The following TMEM44 variants were observed in gnomAD, a reference collection of about 807,000 sequenced individuals.
The protein encoded by TMEM44 is transmembrane protein 44.
Under a neutral mutation model 47.8 loss-of-function variants are expected in TMEM44, and 43 were observed. That is an observed-to-expected ratio of 0.90 (90% CI 0.70 to 1.16). TMEM44 has a LOEUF of 1.16. TMEM44 is among the 50% of genes most tolerant of loss of function. The probability of loss-of-function intolerance (pLI) is 0.00; values close to 1 mark genes in which losing one functional copy is unlikely to be tolerated. For synonymous variants in TMEM44, 277 were observed against 238.8 expected, an observed-to-expected ratio of 1.16 and a Z score of -1.48; for missense variants, 568 against 555.2, an observed-to-expected ratio of 1.02 and a Z score of -0.23.
At chr3:194,594,886 C>T (rs1383971645) in intron 9 of TMEM44, among the ~76,000 whole-genome samples, 3 of 152,084 alleles carry the variant, frequency 2.0e-5, no homozygotes, top group Non-Finnish European at 4.4e-5. Context: ...GGAAGAGCGC[C>T]CTCTAGTGGG....
At chr3:194,594,250 G>A (rs527946650) in intron 9 of TMEM44, among the ~76,000 whole-genome samples, 2 of 151,708 alleles carry the variant, frequency 1.3e-5, no homozygotes, top group East Asian at 1.9e-4. Context: ...TGCAATCTCT[G>A]CCTCCCAGGT....
chr3:194,621,748 G>A (rs1482493251), intron 5 of TMEM44, among the ~76,000 whole-genome samples: 2 of 150,522 alleles, frequency 1.3e-5, no homozygotes, highest in Non-Finnish European at 2.9e-5. Context: ...ATGGAGTAGT[G>A]CTCAGTCACC....
chr3:194,621,869 G>A (rs1269782782), intron 5 of TMEM44, among the ~76,000 whole-genome samples: 3 of 152,112 alleles, frequency 2.0e-5, no homozygotes, highest in East Asian at 1.9e-4. Context: ...CCGCCACCAC[G>A]CCTGGCTAGT....
chr3:194,591,481 T>A (rs553750332), intron 9 of TMEM44, among the ~76,000 whole-genome samples: 72 of 151,922 alleles, frequency 4.7e-4, no homozygotes, highest in African/African-American at 1.7e-3. Flanking sequence ...GCGACAAGAG[T>A]GAAATTCTGT....
chr3:194,614,961 G>A (rs921846978), intron 7 of TMEM44, among the ~76,000 whole-genome samples: 5 of 152,028 alleles, frequency 3.3e-5, no homozygotes, highest in Admixed American at 6.6e-5. Context: ...ACTGGGCTAC[G>A]CACCACGGCT....
intron 9 of TMEM44, chr3:194,596,902 G>A (rs994361958): frequency 6.6e-6 from 1 of 152,230 alleles, no homozygotes; most frequent in Admixed American, 6.5e-5. Context: ...ACATCCAGGG[G>A]AATATGCCCT....
intron 1 of TMEM44, among the ~76,000 whole-genome samples, chr3:194,628,774 C>T (rs1717452525): frequency 6.6e-6 from 1 of 152,140 alleles, no homozygotes; most frequent in East Asian, 1.9e-4. Flanking sequence ...TACTTTCCGA[C>T]TCCAAATCAG....
In TMEM44 at chr3:194,596,651, C is replaced by T. The variant is rs151273950; in HGVS notation, c.1176+7636G>A. 6.2e-3 allele frequency among the ~76,000 whole-genome samples: 942 copies of T among 152,082 alleles called. 9 individuals are homozygous for T. Among genetic ancestry groups the T allele is most frequent in the African/African-American group, 0.021 (891 of 41,474 alleles). On this transcript the variant is annotated intron_variant, in intron 9 of 9. Coordinates refer to ENST00000347147, the MANE Select transcript of TMEM44 (RefSeq NM_001011655.3). ...TACTAAAAATACAAAATTAGCCAGGCGTGGTGGCGCATGCCTGTAATCTCA... is the reference window on the plus strand; with the variant it reads ...TACTAAAAATACAAAATTAGCCAGGTGTGGTGGCGCATGCCTGTAATCTCA...
chr3:194,593,637 G>GC (rs761619403), intron 9 of TMEM44, among the ~76,000 whole-genome samples: 8 of 152,110 alleles, frequency 5.3e-5, no homozygotes, highest in Non-Finnish European at 1.0e-4. Context: ...TGCAGCGCCT[G>GC]GGAAACATAT....
chr3:194,620,514 C>A (rs1187489169), intron 5 of TMEM44, among the ~76,000 whole-genome samples: 1 of 152,150 alleles, frequency 6.6e-6, no homozygotes, highest in Non-Finnish European at 1.5e-5. Flanking sequence ...GCCTGCAATG[C>A]AGTGGGAAAT....
In TMEM44 at chr3:194,603,493, G is replaced by A. The variant is rs140370462; in HGVS notation, c.1176+794C>T. 4.8e-3 allele frequency among the ~76,000 whole-genome samples: 733 copies of A among 152,260 alleles called. 4 individuals are homozygous for A. The highest frequency in any genetic ancestry group is 0.012 in the Admixed American group (180 of 15,294). ...GCTCACTGTAATTTCCACCTCCCGG[G>A]TTCAAGTGATTCTCATGCCTCAGCC... On this transcript the variant is annotated intron_variant, in intron 9 of 9. Coordinates refer to ENST00000347147, the MANE Select transcript of TMEM44 (RefSeq NM_001011655.3).
rs1360539518 is a variant in TMEM44 at position 194,617,273 on chromosome 3, G to A, written c.613-4C>T. On this transcript the variant is annotated splice_region_variant and splice_polypyrimidine_tract_variant and intron_variant, in intron 5 of 9. Coordinates refer to ENST00000347147, the MANE Select transcript of TMEM44 (RefSeq NM_001011655.3). ...AGGGAAATGTCTTCCCCCGGCACTG[G>A]GCAGAGAGAGGGAGGGGCTGGGCGG... The A allele has an allele frequency of 1.2e-5, 18 of 1,521,180 alleles. No individual in the cohort carries two copies. Among genetic ancestry groups the A allele is most frequent in the Non-Finnish European group, 1.4e-5 (16 of 1,130,792 alleles). The allele number at this position is 1,521,180 out of a possible 1,614,324, so 94.2% of individuals were successfully genotyped here.
chr3:194,621,674 T>C (rs1482782531), intron 5 of TMEM44, among the ~76,000 whole-genome samples: 1 of 151,940 alleles, frequency 6.6e-6, no homozygotes. Context: ...CTGAATCCTG[T>C]TCCCCTGGAG....
intron 9 of TMEM44, among the ~76,000 whole-genome samples, chr3:194,603,765 C>T (rs1714429374): frequency 6.6e-6 from 1 of 152,138 alleles, no homozygotes; most frequent in African/African-American, 2.4e-5. Flanking sequence ...AAGACCGGGC[C>T]CCAATATGCA....
At chr3:194,600,993 G>A (rs1714032907) in intron 9 of TMEM44, among the ~76,000 whole-genome samples, 1 of 152,240 alleles carries the variant, frequency 6.6e-6, no homozygotes, top group South Asian at 2.1e-4. Context: ...GGGCATGAAG[G>A]AGGAAGACTG....
At chr3:194,601,357 T>G (rs1272906098) in intron 9 of TMEM44, among the ~76,000 whole-genome samples, 1 of 149,042 alleles carries the variant, frequency 6.7e-6, no homozygotes, top group Non-Finnish European at 1.5e-5. Context: ...CAGGCTGGAG[T>G]GCAATGGCAT....
chr3:194,588,645 G>A lies in TMEM44; in HGVS notation c.1177-6C>T. The A allele has an allele frequency of 6.2e-7, 1 of 1,613,506 alleles. No homozygotes were observed. Among genetic ancestry groups the A allele is most frequent in the Non-Finnish European group, 8.5e-7 (1 of 1,179,522 alleles). ...TTCACATCTTCAGGGTCCCACTATG[G>A]AGAAAAGATGCAAAGGGTAGCTGGG... On this transcript the variant is annotated splice_region_variant and splice_polypyrimidine_tract_variant and intron_variant, in intron 9 of 9. Transcript: ENST00000347147.
intron 9 of TMEM44, among the ~76,000 whole-genome samples, chr3:194,590,428 G>A (rs1382267640): frequency 6.6e-6 from 1 of 152,142 alleles, no homozygotes; most frequent in Non-Finnish European, 1.5e-5. Flanking sequence ...ACTTGCGGTC[G>A]CAGACCTGGC....
intron 9 of TMEM44, among the ~76,000 whole-genome samples, chr3:194,598,448 T>C (rs1228155109): frequency 6.6e-6 from 1 of 152,114 alleles, no homozygotes; most frequent in Non-Finnish European, 1.5e-5. Flanking sequence ...AAGAGAGGCT[T>C]CAGAGCAGAC....
Sources: gnomAD v4.1 joint callset for allele counts (sites outside exome capture counted in the v4.1 genomes callset) on GRCh38, gnomAD v4.1.1 for gene constraint, MANE v1.5 for transcripts, NCBI Gene and HGNC (gene_info 2026-07-23, HGNC 2026-07-21) for gene names.